The following PAK1 variants were observed in gnomAD, a reference collection of about 807,000 sequenced individuals.
The protein encoded by PAK1 is p21 (RAC1) activated kinase 1, also known as serine/threonine-protein kinase PAK 1.
In PAK1, 29 loss-of-function variants were observed where a neutral mutation model predicts 67.4. The observed-to-expected ratio is 0.43, with a 90% CI of 0.32 to 0.59. PAK1 has a LOEUF of 0.59. Among genes scored for constraint, PAK1 ranks in the 20% least tolerant of loss-of-function variants. The pLI, the probability that PAK1 is intolerant of heterozygous loss-of-function variation, is 0.07. For synonymous variants in PAK1, 223 were observed against 237.4 expected (o/e 0.94, Z 0.56); for missense variants, 337 against 670.7 (o/e 0.50, Z 5.50).
At chr11:77,371,592 T>C (rs188535463) in intron 5 of PAK1, among the ~76,000 whole-genome samples, 422 of 152,322 alleles carry the variant, frequency 2.8e-3, no homozygotes, top group Non-Finnish European at 5.2e-3. Context: ...GAGTCTTAAT[T>C]TCTTAGGCAG....
the PAK1 span, among the ~76,000 whole-genome samples, chr11:77,523,924 T>C: frequency 6.6e-6 from 1 of 152,144 alleles, no homozygotes; most frequent in Non-Finnish European, 1.5e-5. Flanking sequence ...CCAGTGTCTG[T>C]GGACATCAAC....
At chr11:77,506,108 C>T in the PAK1 span, among the ~76,000 whole-genome samples, 3 of 152,176 alleles carry the variant, frequency 2.0e-5, no homozygotes, top group African/African-American at 7.2e-5. Context: ...TGATAACCAA[C>T]GACTGACATT....
At chr11:77,404,367 A>G (rs1953153999) in intron 1 of PAK1, among the ~76,000 whole-genome samples, 2 of 152,026 alleles carry the variant, frequency 1.3e-5, no homozygotes, top group Admixed American at 1.3e-4. Flanking sequence ...TCGGGGGTTC[A>G]AGTGATTCTC....
chr11:77,369,314 T>C (rs1948069273), intron 5 of PAK1, among the ~76,000 whole-genome samples: 1 of 151,970 alleles, frequency 6.6e-6, no homozygotes, highest in Non-Finnish European at 1.5e-5. Context: ...GCCTCTGTTC[T>C]CTGCTTATGC....
upstream of PAK1, among the ~76,000 whole-genome samples, chr11:77,477,249 T>C (rs375657670): frequency 5.3e-5 from 8 of 152,172 alleles, no homozygotes; most frequent in African/African-American, 1.9e-4. Flanking sequence ...TCTGCAACTT[T>C]AGGCAAAACA....
At chr11:77,377,686 A>G (rs1949278832) in intron 4 of PAK1, among the ~76,000 whole-genome samples, 1 of 152,226 alleles carries the variant, frequency 6.6e-6, no homozygotes, top group African/African-American at 2.4e-5. Flanking sequence ...CTGTTTACAT[A>G]CACATTTACA....
At chr11:77,403,187 T>C (rs921327438) in intron 1 of PAK1, among the ~76,000 whole-genome samples, 2 of 152,236 alleles carry the variant, frequency 1.3e-5, no homozygotes, top group African/African-American at 2.4e-5. Flanking sequence ...TAAAAACCTA[T>C]ATTTTCCTTT....
At chr11:77,409,730 T>G (rs952850786) in intron 1 of PAK1, among the ~76,000 whole-genome samples, 4 of 150,720 alleles carry the variant, frequency 2.7e-5, no homozygotes, top group Non-Finnish European at 5.9e-5. Flanking sequence ...ATGTAGGAGG[T>G]AAAAAAAGTA....
chr11:77,351,624 C>A (rs1168999258), intron 8 of PAK1, among the ~76,000 whole-genome samples: 1 of 151,898 alleles, frequency 6.6e-6, no homozygotes, highest in African/African-American at 2.4e-5. Flanking sequence ...CACTCAAGCC[C>A]AGAGTTGTTC....
upstream of PAK1, among the ~76,000 whole-genome samples, chr11:77,477,745 A>T (rs951708347): frequency 6.6e-6 from 1 of 151,570 alleles, no homozygotes; most frequent in Non-Finnish European, 1.5e-5. Context: ...ACAGAGTGAG[A>T]CCTTGTTTCA....
chr11:77,335,189 T>C (rs1461557143), intron 13 of PAK1, among the ~76,000 whole-genome samples: 1 of 152,190 alleles, frequency 6.6e-6, no homozygotes, highest in Non-Finnish European at 1.5e-5. Flanking sequence ...TCAAATCTCT[T>C]TTCTTTAACT....
chr11:77,527,701 C>T, the PAK1 span, among the ~76,000 whole-genome samples: 1 of 152,090 alleles, frequency 6.6e-6, no homozygotes, highest in Non-Finnish European at 1.5e-5. Context: ...TACTACATTG[C>T]CACTGAATGT....
At chr11:77,512,094 G>T in the PAK1 span, among the ~76,000 whole-genome samples, 1 of 152,164 alleles carries the variant, frequency 6.6e-6, no homozygotes, top group Admixed American at 6.5e-5. Flanking sequence ...AGGGTCCAGT[G>T]GGGAAGGAAA....
At chr11:77,329,062 C>T (rs546462382) in intron 14 of PAK1, 19 of 152,352 alleles carry the variant, frequency 1.2e-4, no homozygotes, top group Non-Finnish European at 2.6e-4. Context: ...TCGACACATA[C>T]ATCCTCCCAA....
the PAK1 span, among the ~76,000 whole-genome samples, chr11:77,520,106 T>C: frequency 2.0e-5 from 3 of 152,204 alleles, no homozygotes; most frequent in East Asian, 5.8e-4. Context: ...AAGCATCTGA[T>C]ATAAAGACTT....
intron 4 of PAK1, among the ~76,000 whole-genome samples, chr11:77,375,319 T>C (rs1269202610): frequency 6.6e-6 from 1 of 152,244 alleles, no homozygotes; most frequent in Non-Finnish European, 1.5e-5. Flanking sequence ...GAGTCATCCA[T>C]GCCAAAACAT....
At chr11:77,353,707 C>T (rs778744330) in intron 7 of PAK1, 108 bp from the exon 8 acceptor site, 78 of 815,530 alleles carry the variant, frequency 9.6e-5, no homozygotes, top group Non-Finnish European at 1.5e-4. Context: ...GAACTACCTC[C>T]AATAGCCAAA....
At chr11:77,511,894 A>T in the PAK1 span, among the ~76,000 whole-genome samples, 1 of 152,208 alleles carries the variant, frequency 6.6e-6, no homozygotes, top group Non-Finnish European at 1.5e-5. Flanking sequence ...TGCAATATGC[A>T]TAACAAGGAA....
intron 14 of PAK1, among the ~76,000 whole-genome samples, chr11:77,328,068 TCAA>T (rs1940486434): frequency 1.3e-5 from 2 of 152,062 alleles, no homozygotes; most frequent in Non-Finnish European, 2.9e-5. Context: ...AGGGATCAAT[TCAA>T]CAACAAGAGC....
Sources: gnomAD v4.1 joint callset for allele counts (sites outside exome capture counted in the v4.1 genomes callset) on GRCh38, gnomAD v4.1.1 for gene constraint, MANE v1.5 for transcripts, NCBI Gene and HGNC (gene_info 2026-07-23, HGNC 2026-07-21) for gene names.